GRM5: variants seen among roughly 807,000 people sequenced by gnomAD.
GRM5 encodes metabotropic glutamate receptor 5.
GRM5 carries 19 observed loss-of-function variants against 83.1 expected under a neutral mutation model. The ratio of observed to expected loss-of-function variants is 0.23; its 90% CI spans 0.16 to 0.34. The LOEUF (loss-of-function observed/expected upper bound fraction) is 0.34. Ranked by LOEUF, GRM5 falls within the 10% of genes least tolerant of loss-of-function variation. GRM5 has a pLI of 1.00. For synonymous variants in GRM5, 675 were observed against 633.6 expected, an observed-to-expected ratio of 1.07 and a Z score of -0.98; for missense variants, 1,160 against 1,588.3, an observed-to-expected ratio of 0.73 and a Z score of 4.58.
At chr11:88,815,943 G>C (rs1943669637) in intron 3 of GRM5, among the ~76,000 whole-genome samples, 1 of 151,782 alleles carries the variant, frequency 6.6e-6, no homozygotes, top group Admixed American at 6.5e-5. Context: ...GCCGGGCGCG[G>C]TGGCTCACGC....
At chr11:88,992,082 C>T (rs1939996975) in intron 2 of GRM5, among the ~76,000 whole-genome samples, 1 of 152,140 alleles carries the variant, frequency 6.6e-6, no homozygotes, top group Non-Finnish European at 1.5e-5. Context: ...AGGCAACCTA[C>T]AGAATGGGAG....
intron 3 of GRM5, among the ~76,000 whole-genome samples, chr11:88,847,120 A>G (rs1944314161): frequency 1.3e-5 from 2 of 152,062 alleles, no homozygotes; most frequent in African/African-American, 2.4e-5. Flanking sequence ...CAAACTATTA[A>G]CTTTTGCTTT....
intron 2 of GRM5, among the ~76,000 whole-genome samples, chr11:88,895,604 A>T (rs979448957): frequency 6.6e-6 from 1 of 151,984 alleles, no homozygotes; most frequent in Non-Finnish European, 1.5e-5. Flanking sequence ...TTTCCCCACA[A>T]GCTAATCTGA....
chr11:88,576,561 T>C (rs1305493607), intron 7 of GRM5, among the ~76,000 whole-genome samples: 1 of 152,148 alleles, frequency 6.6e-6, no homozygotes, highest in Non-Finnish European at 1.5e-5. Flanking sequence ...ATATTTCCTA[T>C]TAATATGAGC....
intron 2 of GRM5, among the ~76,000 whole-genome samples, chr11:89,009,845 G>A (rs1177123658): frequency 2.3e-5 from 3 of 131,910 alleles, no homozygotes; most frequent in Non-Finnish European, 4.6e-5. Context: ...AGCTTGCAGT[G>A]AGCCGAGATC....
At chr11:88,845,880 T>G (rs1944296852) in intron 3 of GRM5, among the ~76,000 whole-genome samples, 1 of 152,234 alleles carries the variant, frequency 6.6e-6, no homozygotes, top group Admixed American at 6.5e-5. Context: ...GGAATAGACA[T>G]TCTTGCTACA....
At chr11:88,960,857 G>A (rs1938761906) in intron 2 of GRM5, among the ~76,000 whole-genome samples, 1 of 152,096 alleles carries the variant, frequency 6.6e-6, no homozygotes, top group African/African-American at 2.4e-5. Context: ...ATGAATTCAG[G>A]TGAAGTCAAC....
rs1465464532 is a variant in GRM5 at position 88,630,552 on chromosome 11, CACACACACACACACACACACAA to C, written c.1147+22594_1147+22615del. On this transcript the variant is annotated intron_variant, in intron 4 of 9. Coordinates refer to ENST00000305447, the MANE Select transcript of GRM5 (RefSeq NM_001143831.3). ...TACTAATGTAATACACACACACACA[CACACACACACACACACACACAA>C]ACACACACACACACACATATTATGA... Among the ~76,000 whole-genome samples, 209 of 22,724 alleles carry C rather than the reference CACACACACACACACACACACAA, an allele frequency of 9.2e-3. 1 individual carries two copies. The highest frequency in any genetic ancestry group is 0.039 in the South Asian group (19 of 486). 14.9% of individuals were successfully genotyped at this position (22,724 alleles called of 152,430 possible).
rs1318169638 is a variant in GRM5 at position 89,047,199 on chromosome 11, A to C, written c.661+13T>G. On this transcript the variant is annotated intron_variant, in intron 2 of 9. Transcript: ENST00000305447. This position sits in a 1 kb window ranked among gnomAD's most constrained non-coding sequence, Gnocchi z 5.1. ...ATAATAATATATACTCGATGTATGCAAAGGAAACTTACCTTCTGTGTGCAC... is the reference window on the plus strand; with the variant it reads ...ATAATAATATATACTCGATGTATGCCAAGGAAACTTACCTTCTGTGTGCAC... The C allele has an allele frequency of 1.3e-6, 2 of 1,587,542 alleles. No homozygotes were observed. Among genetic ancestry groups the C allele is most frequent in the Middle Eastern group, 1.7e-4 (1 of 5,926 alleles).
At chr11:88,514,792 T>C (rs543860884) in intron 9 of GRM5, among the ~76,000 whole-genome samples, 2 of 152,264 alleles carry the variant, frequency 1.3e-5, no homozygotes, top group East Asian at 3.9e-4. Flanking sequence ...AACGAGGCCT[T>C]AAAGCTTGGG....
At chr11:88,980,392 T>C (rs562402655) in intron 2 of GRM5, among the ~76,000 whole-genome samples, 19 of 152,222 alleles carry the variant, frequency 1.2e-4, no homozygotes, top group Admixed American at 3.3e-4. Flanking sequence ...GAACTATTGA[T>C]GTCCTCAACC....
chr11:88,787,024 C>G (rs562348434), intron 3 of GRM5, among the ~76,000 whole-genome samples: 1 of 151,942 alleles, frequency 6.6e-6, no homozygotes, highest in African/African-American at 2.4e-5. Context: ...AAAAGACTGA[C>G]AGTATACAAG....
At chr11:88,993,472 G>A (rs1301223807) in intron 2 of GRM5, among the ~76,000 whole-genome samples, 4 of 152,202 alleles carry the variant, frequency 2.6e-5, no homozygotes, top group African/African-American at 9.6e-5. Flanking sequence ...TTTGAACTGA[G>A]TACCATACTT....
chr11:88,660,544 AC>A (rs1420950189), intron 3 of GRM5, among the ~76,000 whole-genome samples: 1 of 152,162 alleles, frequency 6.6e-6, no homozygotes, highest in Admixed American at 6.5e-5. Flanking sequence ...AAGGAGCAAT[AC>A]CAATCTAAAA....
At chr11:88,652,858 G>T (rs908359628) in intron 4 of GRM5, among the ~76,000 whole-genome samples, 1 of 152,074 alleles carries the variant, frequency 6.6e-6, no homozygotes, top group Non-Finnish European at 1.5e-5. Context: ...TGCATTCAAG[G>T]ATGTCAGAAA....
At chr11:88,896,641 A>T (rs1212280365) in intron 2 of GRM5, among the ~76,000 whole-genome samples, 1 of 151,956 alleles carries the variant, frequency 6.6e-6, no homozygotes, top group Non-Finnish European at 1.5e-5. Flanking sequence ...CAGAGGGCCA[A>T]TGATGTGAGT....
intron 2 of GRM5, among the ~76,000 whole-genome samples, chr11:88,962,579 A>C (rs1028594376): frequency 2.6e-5 from 4 of 152,102 alleles, no homozygotes; most frequent in Non-Finnish European, 2.9e-5. Context: ...CTATCCATTA[A>C]TTCTATCACC....
intron 8 of GRM5, among the ~76,000 whole-genome samples, chr11:88,531,671 G>T (rs1468682178): frequency 6.6e-6 from 1 of 152,082 alleles, no homozygotes; most frequent in Non-Finnish European, 1.5e-5. Flanking sequence ...AAGTTTCCTA[G>T]AGAGTTCAAG....
At chr11:88,617,624 T>C (rs1938520537) in intron 4 of GRM5, among the ~76,000 whole-genome samples, 1 of 152,168 alleles carries the variant, frequency 6.6e-6, no homozygotes, top group African/African-American at 2.4e-5. Flanking sequence ...AAGGTGATGA[T>C]AGTAAGCGGT....
Sources: gnomAD v4.1 joint callset for allele counts (sites outside exome capture counted in the v4.1 genomes callset) on GRCh38, gnomAD v4.1.1 for gene constraint, Gnocchi (gnomAD v3.1) non-coding constraint, MANE v1.5 for transcripts, NCBI Gene and HGNC (gene_info 2026-07-23, HGNC 2026-07-21) for gene names.